PPP2R2D: variants seen among roughly 807,000 people sequenced by gnomAD.
PPP2R2D encodes the protein protein phosphatase 2 regulatory subunit Bdelta, also known as serine/threonine-protein phosphatase 2A 55 kDa regulatory subunit B delta isoform.
Under a neutral mutation model 31.1 loss-of-function variants are expected in PPP2R2D, and 9 were observed. That is an observed-to-expected ratio of 0.29 (90% CI 0.17 to 0.51). PPP2R2D has a LOEUF of 0.51. Ranked by LOEUF, PPP2R2D falls within the 20% of genes least tolerant of loss-of-function variation. The probability of loss-of-function intolerance (pLI) is 0.98; values close to 1 mark genes in which losing one functional copy is unlikely to be tolerated. For missense variants in PPP2R2D, 391 were observed against 465.6 expected, an observed-to-expected ratio of 0.84 and a Z score of 1.48; for synonymous variants, 179 against 172.6, an observed-to-expected ratio of 1.04 and a Z score of -0.29.
the PPP2R2D span, chr10:131,968,992 C>T: frequency 5.6e-5 from 9 of 159,628 alleles, no homozygotes; most frequent in Non-Finnish European, 1.4e-5. Context: ...GAGAGATGTC[C>T]CAAACTAAAG....
intron 2 of PPP2R2D, among the ~76,000 whole-genome samples, chr10:131,924,420 T>C (rs1386791462): frequency 6.6e-6 from 1 of 152,200 alleles, no homozygotes; most frequent in Non-Finnish European, 1.5e-5. Flanking sequence ...CCTGGCATCA[T>C]TGTTGAAATA....
At position 131,958,456 on chromosome 10, in the gene PPP2R2D, T is replaced by C. The variant is rs1449040051; in HGVS notation, c.*2493T>C. On this transcript the variant is annotated 3_prime_UTR_variant, in exon 9 of 9. Transcript: ENST00000455566. ...CCCCTGTGGGGATGAAGGTGTGTGC[T>C]GATCCCCCATCCCCCTGTGGAGATG... is the stretch of plus-strand genomic sequence containing the variant. 4.8e-6 allele frequency: 1 copy of C among 206,754 alleles called. No homozygotes were observed. Among genetic ancestry groups the C allele is most frequent in the African/African-American group, 2.5e-5 (1 of 39,774 alleles). The allele number at this position is 206,754 out of a possible 1,614,324, so 12.8% of individuals were successfully genotyped here.
the PPP2R2D span, chr10:131,970,825 T>G: frequency 6.2e-7 from 1 of 1,614,236 alleles, no homozygotes; most frequent in Non-Finnish European, 8.5e-7. The surrounding 1 kb of genome is among the most constrained non-coding windows in gnomAD (Gnocchi z 4.1). Context: ...ATGTGTCCTC[T>G]GTCAAGGGGT....
In PPP2R2D at chr10:131,956,194, G is replaced by A. The variant is rs921875961; in HGVS notation, c.*231G>A. 1.5e-5 allele frequency: 18 copies of A among 1,216,422 alleles called. No individual in the cohort carries two copies. The highest frequency in any genetic ancestry group is 1.3e-4 in the Admixed American group (3 of 23,272). The allele number at this position is 1,216,422 out of a possible 1,614,324, so 75.4% of individuals were successfully genotyped here. On this transcript the variant is annotated 3_prime_UTR_variant, in exon 9 of 9. Coordinates refer to ENST00000455566, the MANE Select transcript of PPP2R2D (RefSeq NM_018461.5). Reference sequence around the variant, plus strand: ...GAGACGCTCTCGAAGCAGAGTTGACGGACACTGCTCCCAAAAGGTCATTAC... The same window carrying A: ...GAGACGCTCTCGAAGCAGAGTTGACAGACACTGCTCCCAAAAGGTCATTAC...
intron 2 of PPP2R2D, among the ~76,000 whole-genome samples, chr10:131,922,399 A>G (rs1258477256): frequency 1.3e-5 from 2 of 152,074 alleles, no homozygotes; most frequent in African/African-American, 2.4e-5. Context: ...TTGTTCCACA[A>G]TGTATGTATA....
At chr10:131,910,083 G>A (rs2119734393) in intron 2 of PPP2R2D, among the ~76,000 whole-genome samples, 1 of 152,326 alleles carries the variant, frequency 6.6e-6, no homozygotes, top group South Asian at 2.1e-4. Context: ...GGCAGAAGAG[G>A]GGTCATCCTG....
intron 2 of PPP2R2D, among the ~76,000 whole-genome samples, chr10:131,916,552 G>C (rs937706712): frequency 6.6e-5 from 10 of 151,978 alleles, no homozygotes; most frequent in Non-Finnish European, 1.3e-4. Flanking sequence ...CCCCTTCCCC[G>C]GCCCCTGGCG....
intron 5 of PPP2R2D, among the ~76,000 whole-genome samples, chr10:131,942,085 G>A (rs1209122462): frequency 6.6e-5 from 10 of 152,050 alleles, no homozygotes; most frequent in Admixed American, 6.6e-4. Context: ...AGTGTGATGG[G>A]ACCCCCGAGG....
the PPP2R2D span, chr10:131,970,614 G>A: frequency 1.1e-5 from 17 of 1,611,282 alleles, no homozygotes; most frequent in Admixed American, 2.5e-4. This position sits in a 1 kb window ranked among gnomAD's most constrained non-coding sequence, Gnocchi z 4.1. Context: ...GCCATGACAG[G>A]AGTCACACAG....
At chr10:131,950,313 T>A (rs1395806890) in intron 8 of PPP2R2D, among the ~76,000 whole-genome samples, 1 of 152,150 alleles carries the variant, frequency 6.6e-6, no homozygotes, top group Non-Finnish European at 1.5e-5. Context: ...TATGAAAGCC[T>A]GAATACACAG....
chr10:131,934,424 C>T, intron 2 of PPP2R2D, 34 bp from the exon 3 acceptor site: 1 of 757,324 alleles, frequency 1.3e-6, no homozygotes, highest in African/African-American at 1.7e-5. Context: ...CCCAAAACCG[C>T]ATCCGGTAAA....
chr10:131,901,920 C>A (rs984229942), intron 2 of PPP2R2D, among the ~76,000 whole-genome samples: 3 of 152,248 alleles, frequency 2.0e-5, no homozygotes, highest in Non-Finnish European at 4.4e-5. Context: ...GCTACTTTCT[C>A]TACTGATATA....
rs769921470 is a variant in PPP2R2D, at chr10:131,956,497, C to G, written c.*534C>G. On this transcript the variant is annotated 3_prime_UTR_variant, in exon 9 of 9. Coordinates refer to ENST00000455566, the MANE Select transcript of PPP2R2D (RefSeq NM_018461.5). The stretch of plus-strand genomic sequence containing the variant: ...CCCACAGCATCCGCCGCCACCCCTT[C>G]GGGTGTGAGCGCTCAATAAAAACAA... The G allele has an allele frequency of 6.1e-5, 60 of 985,518 alleles. No homozygotes were observed. In the African/African-American group the frequency reaches 1.0e-3, roughly 17 times the overall value. The allele number at this position is 985,518 out of a possible 1,614,324, so 61.0% of individuals were successfully genotyped here.
At chr10:131,925,991 A>G (rs1554894866) in intron 2 of PPP2R2D, among the ~76,000 whole-genome samples, 1 of 152,098 alleles carries the variant, frequency 6.6e-6, no homozygotes, top group Non-Finnish European at 1.5e-5. Flanking sequence ...CTTACTGGGC[A>G]TGTGTTAAGG....
chr10:131,929,861 C>G (rs980377253), intron 2 of PPP2R2D, among the ~76,000 whole-genome samples: 69 of 152,294 alleles, frequency 4.5e-4, no homozygotes, highest in African/African-American at 1.7e-3. Context: ...AACCTGGGAC[C>G]TCATTCCTCG....
intron 8 of PPP2R2D, among the ~76,000 whole-genome samples, chr10:131,950,292 T>G (rs946166785): frequency 6.6e-6 from 1 of 152,044 alleles, no homozygotes; most frequent in African/African-American, 2.4e-5. Flanking sequence ...GGCCAGCAAT[T>G]TTCTCTAAAT....
intron 6 of PPP2R2D, 79 bp downstream of exon 6, chr10:131,944,224 C>A: frequency 8.4e-7 from 1 of 1,193,672 alleles, no homozygotes; most frequent in Non-Finnish European, 1.2e-6. Flanking sequence ...CTTTATACAC[C>A]TGTATCTCGG....
At chr10:131,924,967 T>G (rs2036075363) in intron 2 of PPP2R2D, among the ~76,000 whole-genome samples, 1 of 152,234 alleles carries the variant, frequency 6.6e-6, no homozygotes, top group South Asian at 2.1e-4. Flanking sequence ...TTTTCATTGC[T>G]AGGTGTAGAA....
rs1231387109 is a variant in PPP2R2D, at chr10:131,955,861, C to G, written c.1260C>G (p.Asp420Glu). 6.2e-7 allele frequency: 1 copy of G among 1,610,566 alleles called. No homozygotes were observed. Among genetic ancestry groups the G allele is most frequent in the Non-Finnish European group, 8.5e-7 (1 of 1,178,262 alleles). ...ACGAGATCAGTGTGGACAGTCTGGA[C>G]TTCAACAAGAAGATCCTGCACACAG... is the stretch of plus-strand genomic sequence containing the variant. ...RKDEISVDSLDFNKKILHTAW... is the reference protein window; with the variant it reads ...RKDEISVDSLEFNKKILHTAW... The change falls in exon 9 of 9, where the codon GAC becomes GAG. Residue 420 changes from aspartate to glutamate, a missense_variant. Asp to Glu is a conservative substitution (Grantham distance 45, BLOSUM62 2). Around this residue, in one of 3 missense-constraint regions of PPP2R2D, gnomAD observed 163 missense variants for 179.5 expected, o/e 0.91. Transcript: ENST00000455566.
Sources: gnomAD v4.1 joint callset for allele counts (sites outside exome capture counted in the v4.1 genomes callset) on GRCh38, gnomAD v4.1.1 for gene constraint, gnomAD v4.1.1 regional missense constraint, Gnocchi (gnomAD v3.1) non-coding constraint, MANE v1.5 for transcripts, NCBI Gene and HGNC (gene_info 2026-07-23, HGNC 2026-07-21) for gene names.